Variants in ZNF644 observed in about 807,000 individuals in gnomAD.
ZNF644 encodes zinc finger protein 644.
In ZNF644, 20 loss-of-function variants were observed where a neutral mutation model predicts 108.0. The observed-to-expected ratio is 0.19, with a 90% confidence interval of 0.13 to 0.27. The LOEUF (loss-of-function observed/expected upper bound fraction) is 0.27. Ranked by LOEUF, ZNF644 falls within the 10% of genes least tolerant of loss-of-function variation. ZNF644 has a pLI of 1.00. For synonymous variants in ZNF644, 542 were observed against 539.1 expected (o/e 1.01, Z -0.08); for missense variants, 1,338 against 1,548.9 (o/e 0.86, Z 2.29).
rs1649002818 is a variant in ZNF644, at chr1:90,918,093, T to C, written c.3750A>G (p.Thr1250=). The C allele has an allele frequency of 5.6e-6, 9 of 1,614,138 alleles. No individual in the cohort carries two copies. Among genetic ancestry groups the C allele is most frequent in the South Asian group, 4.4e-5 (4 of 91,086 alleles). The change falls in exon 5 of 6, where the codon ACA becomes ACG. Residue 1250 remains threonine, a synonymous_variant. Coordinates refer to ENST00000337393, the MANE Select transcript of ZNF644 (RefSeq NM_201269.3). ...AAACCTCGTCAGCACCATGAGGTAATGTTAGCATTTTCTTCTTGCTTCCAG... is the reference window on the plus strand; with the variant it reads ...AAACCTCGTCAGCACCATGAGGTAACGTTAGCATTTTCTTCTTGCTTCCAG... The part of the protein sequence containing the change: ...SRSGSKKKML[T]LPHGADEVYI...
At chr1:90,976,564 A>G (rs1347692671) in intron 2 of ZNF644, among the ~76,000 whole-genome samples, 3 of 152,218 alleles carry the variant, frequency 2.0e-5, no homozygotes, top group Admixed American at 1.3e-4. Context: ...TTTGCCGCTT[A>G]GCCTTTGTTA....
At chr1:91,002,615 A>G (rs1658968485) in intron 1 of ZNF644, among the ~76,000 whole-genome samples, 1 of 152,234 alleles carries the variant, frequency 6.6e-6, no homozygotes, top group African/African-American at 2.4e-5. Context: ...GGACACAGGC[A>G]TGGGTAAAGA....
chr1:90,995,466 T>A (rs1032335392), intron 1 of ZNF644, among the ~76,000 whole-genome samples: 7 of 152,134 alleles, frequency 4.6e-5, no homozygotes, highest in African/African-American at 1.4e-4. Context: ...GCATAAAAAA[T>A]TTTTTGTTGA....
chr1:90,927,591 T>A (rs1259243659), intron 4 of ZNF644, among the ~76,000 whole-genome samples: 1 of 152,182 alleles, frequency 6.6e-6, no homozygotes, highest in East Asian at 1.9e-4. Flanking sequence ...TTTACTCAAC[T>A]CAGATAATTC....
chr1:90,918,267 G>A (rs531810626), intron 4 of ZNF644, 113 bp from the exon 5 acceptor site: 14 of 849,690 alleles, frequency 1.6e-5, no homozygotes, highest in African/African-American at 1.2e-4. Flanking sequence ...GAAAAAGTCC[G>A]CATTCATTTC....
At chr1:90,948,685 T>G (rs1652770196) in intron 2 of ZNF644, among the ~76,000 whole-genome samples, 2 of 152,172 alleles carry the variant, frequency 1.3e-5, no homozygotes. Context: ...ACTATATTCA[T>G]CGAAAAAAAT....
At chr1:91,015,971 G>A (rs1028285847) in intron 1 of ZNF644, among the ~76,000 whole-genome samples, 11 of 152,156 alleles carry the variant, frequency 7.2e-5, no homozygotes, top group African/African-American at 2.7e-4. Context: ...TTTGAAGATG[G>A]TAATTACTAA....
At chr1:90,987,069 A>G (rs79739004) in intron 1 of ZNF644, among the ~76,000 whole-genome samples, 3,506 of 151,052 alleles carry the variant, frequency 0.023, 81 homozygotes, top group Middle Eastern at 0.082. Context: ...TGTTTAAAAA[A>G]AAAAAAAACC....
At chr1:90,974,538 G>A (rs1655805195) in intron 2 of ZNF644, among the ~76,000 whole-genome samples, 1 of 152,014 alleles carries the variant, frequency 6.6e-6, no homozygotes, top group Admixed American at 6.6e-5. Context: ...CAGCACTACT[G>A]CCCAGCTAGA....
At chr1:91,000,354 T>C (rs373837798) in intron 1 of ZNF644, among the ~76,000 whole-genome samples, 4 of 152,096 alleles carry the variant, frequency 2.6e-5, no homozygotes, top group African/African-American at 4.8e-5. Context: ...GACCACAGTG[T>C]AATCAAACTA....
chr1:90,995,809 A>G (rs924138936), intron 1 of ZNF644, among the ~76,000 whole-genome samples: 2 of 152,248 alleles, frequency 1.3e-5, no homozygotes, highest in African/African-American at 4.8e-5. Context: ...GCCAGCAGAT[A>G]AACAACAAGA....
At chr1:90,932,238 G>C (rs765907657) in intron 4 of ZNF644, among the ~76,000 whole-genome samples, 6 of 152,084 alleles carry the variant, frequency 3.9e-5, no homozygotes, top group Non-Finnish European at 8.8e-5. Flanking sequence ...TTCTAAGAAG[G>C]CTTGAAAGTT....
At chr1:90,951,560 T>C (rs1653168785) in intron 2 of ZNF644, among the ~76,000 whole-genome samples, 1 of 152,218 alleles carries the variant, frequency 6.6e-6, no homozygotes, top group Non-Finnish European at 1.5e-5. Context: ...TTCAAGTCTT[T>C]GCTCAATCAT....
chr1:90,948,209 A>G (rs555957049), intron 2 of ZNF644, among the ~76,000 whole-genome samples: 13 of 152,350 alleles, frequency 8.5e-5, no homozygotes, highest in African/African-American at 3.1e-4. Flanking sequence ...ACCAAGTCAG[A>G]TATCTATTTG....
At chr1:90,978,125 G>A (rs949104142) in intron 2 of ZNF644, among the ~76,000 whole-genome samples, 2 of 152,186 alleles carry the variant, frequency 1.3e-5, no homozygotes, top group African/African-American at 4.8e-5. Flanking sequence ...GCTGAGGCCG[G>A]TGGATCGCCT....
chr1:90,993,202 A>G (rs566142866), intron 1 of ZNF644, among the ~76,000 whole-genome samples: 1 of 152,092 alleles, frequency 6.6e-6, no homozygotes, highest in East Asian at 1.9e-4. Context: ...CTTTCCTTCA[A>G]AACCTTGCCA....
At chr1:90,919,161 A>G (rs1649141828) in intron 4 of ZNF644, among the ~76,000 whole-genome samples, 1 of 152,164 alleles carries the variant, frequency 6.6e-6, no homozygotes, top group Admixed American at 6.5e-5. Context: ...CAGCTACACC[A>G]TTTCTTTGGA....
intron 4 of ZNF644, chr1:90,935,354 A>G: frequency 2.0e-6 from 2 of 985,510 alleles, no homozygotes; most frequent in Non-Finnish European, 2.4e-6. Flanking sequence ...CTGGTGGGGA[A>G]AAAAAAAGTG....
chr1:90,972,782 A>C (rs1046817896), intron 2 of ZNF644: 2 of 152,224 alleles, frequency 1.3e-5, no homozygotes, highest in African/African-American at 4.8e-5. Context: ...ATGCAGACTT[A>C]AAATGGGAGG....
Sources: allele counts gnomAD v4.1 joint callset (sites outside exome capture counted in the v4.1 genomes callset), GRCh38; gene constraint gnomAD v4.1.1; transcripts MANE v1.5; gene names NCBI Gene and HGNC (gene_info 2026-07-23, HGNC 2026-07-21).